The following CACHD1 variants were observed in gnomAD, a reference collection of about 807,000 sequenced individuals.
The protein encoded by CACHD1 is cache domain containing 1.
Under a neutral mutation model 138.7 loss-of-function variants are expected in CACHD1, and 71 were observed. The observed-to-expected ratio is 0.51, with a 90% CI of 0.42 to 0.62. CACHD1 has a LOEUF of 0.62. Ranked by LOEUF, CACHD1 falls within the 20% of genes least tolerant of loss-of-function variation. The pLI is 0.00. For synonymous variants in CACHD1, 578 were observed against 591.5 expected, an observed-to-expected ratio of 0.98 and a Z score of 0.33; for missense variants, 1,389 against 1,625.3, an observed-to-expected ratio of 0.85 and a Z score of 2.50.
chr1:64,629,773 T>G (rs1648237830), intron 5 of CACHD1, among the ~76,000 whole-genome samples: 1 of 152,126 alleles, frequency 6.6e-6, no homozygotes. Context: ...GTTTCAGAAT[T>G]CTTTGTTGAA....
At chr1:64,550,999 T>C (rs1646755022) in intron 2 of CACHD1, among the ~76,000 whole-genome samples, 1 of 152,180 alleles carries the variant, frequency 6.6e-6, no homozygotes, top group African/African-American at 2.4e-5. Flanking sequence ...AGACCCCACG[T>C]CAAATTCTGG....
chr1:64,543,402 C>CACAT (rs1553131376), intron 1 of CACHD1, among the ~76,000 whole-genome samples: 1 of 126,886 alleles, frequency 7.9e-6, no homozygotes, highest in Non-Finnish European at 1.6e-5. Context: ...AAAAAAAATA[C>CACAT]ATATATATAT....
chr1:64,653,879 A>C lies in CACHD1; in HGVS notation c.1662A>C (p.Leu554=), dbSNP rs570724837. The stretch of plus-strand genomic sequence containing the variant: ...TTGAATTAGTTCGGCAAAATATCCT[A>C]AGGTAAGGAAAAGGTGAGGGTCATA... ...PKFELVRQNI[L]SLPLGSQIIA... Residue 554 remains leucine (L), a splice_region_variant and synonymous_variant, in exon 11 of 27, where the codon CTA becomes CTC. Coordinates refer to ENST00000651257, the MANE Select transcript of CACHD1 (RefSeq NM_020925.4). 1.9e-6 allele frequency: 3 copies of C among 1,612,456 alleles called. No homozygotes were observed. The South Asian group carries it at 3.3e-5, about 18-fold the overall frequency.
rs1246223648 is a variant in CACHD1 at position 64,592,241 on chromosome 1, A to G, written c.410+9937A>G. Among the ~76,000 whole-genome samples the G allele has an allele frequency of 2.0e-5, 3 of 152,346 alleles. No individual in the cohort carries two copies. In the East Asian group the frequency reaches 5.8e-4, roughly 29 times the overall value. ...TGCATGATGAATTTAAAAAATATAC[A>G]TTCCCAAATGCTGACATACATGTAT... On this transcript the variant is annotated intron_variant, in intron 3 of 26. Transcript: ENST00000651257.
Position 64,692,479 on chromosome 1 carries a change from C to T in CACHD1, c.*918C>T, listed in dbSNP as rs1409540268. ...TGCTATTCTTAGGTTTCTACGAAAC[C>T]TAATGTTAGAACCGCATCCTTTCAG... On this transcript the variant is annotated 3_prime_UTR_variant, in exon 27 of 27. Coordinates refer to ENST00000651257, the MANE Select transcript of CACHD1 (RefSeq NM_020925.4). 1 of 152,126 alleles carries T rather than the reference C, an allele frequency of 6.6e-6. No individual in the cohort carries two copies. 9.4% of individuals were successfully genotyped at this position (152,126 alleles called of 1,614,324 possible). A position where few individuals can be genotyped will look rare whatever the true frequency, so the allele number is the denominator to read the frequency against.
chr1:64,529,169 T>C (rs1184922438), intron 1 of CACHD1, among the ~76,000 whole-genome samples: 1 of 152,216 alleles, frequency 6.6e-6, no homozygotes. Context: ...ACTCCTTTTC[T>C]AAGAGAAGTG....
intron 11 of CACHD1, 21 bp downstream of exon 11, chr1:64,653,902 A>T: frequency 6.2e-7 from 1 of 1,609,262 alleles, no homozygotes; most frequent in East Asian, 2.2e-5. Flanking sequence ...GGTGAGGGTC[A>T]TAGGATTGTT....
chr1:64,634,386 T>G lies in CACHD1; in HGVS notation c.1006+126T>G, dbSNP rs1570436726. Reference sequence around the variant, plus strand: ...TTTATTTATTTATGTATGTATTTATTTATTTATTTATTTACCTTGAGACAG... The same window carrying G: ...TTTATTTATTTATGTATGTATTTATGTATTTATTTATTTACCTTGAGACAG... On this transcript the variant is annotated intron_variant, in intron 7 of 26. Coordinates refer to ENST00000651257, the MANE Select transcript of CACHD1 (RefSeq NM_020925.4). The G allele has an allele frequency of 1.4e-5, 5 of 368,960 alleles. 1 individual carries two copies. In the South Asian group the frequency reaches 2.4e-4, roughly 17 times the overall value. The allele number at this position is 368,960 out of a possible 1,614,324, so 22.9% of individuals were successfully genotyped here. A position where few individuals can be genotyped will look rare whatever the true frequency, so the allele number is the denominator to read the frequency against.
Position 64,683,307 on chromosome 1 carries a change from T to C in CACHD1, c.3586+1201T>C, listed in dbSNP as rs551178663. Among the ~76,000 whole-genome samples, 3 of 152,290 alleles carry C rather than the reference T, an allele frequency of 2.0e-5. No homozygotes were observed. In the South Asian group the frequency reaches 6.2e-4, roughly 32 times the overall value. On this transcript the variant is annotated intron_variant, in intron 26 of 26. Transcript: ENST00000651257. ...TCTCAGTTTCTTTGACTTTTTTGCTTTTTTCTCTACAAACCTTTGAACTTG... is the reference window on the plus strand; with the variant it reads ...TCTCAGTTTCTTTGACTTTTTTGCTCTTTTCTCTACAAACCTTTGAACTTG...
intron 26 of CACHD1, among the ~76,000 whole-genome samples, chr1:64,685,150 C>A (rs955931431): frequency 3.3e-5 from 5 of 152,126 alleles, no homozygotes; most frequent in African/African-American, 1.2e-4. Flanking sequence ...CGGTATTTTT[C>A]TGGTACCTCT....
In CACHD1 at chr1:64,578,367, C is replaced by T. The variant is rs904310406; in HGVS notation, c.262-3789C>T. Among the ~76,000 whole-genome samples the T allele has an allele frequency of 6.6e-5, 10 of 152,276 alleles. No individual in the cohort carries two copies. In the South Asian group the frequency reaches 8.3e-4, roughly 13 times the overall value. On this transcript the variant is annotated intron_variant, in intron 2 of 26. Transcript: ENST00000651257. ...CAACAGATTTACAACTCACAGGGTACAATCTTGATAATTTTGATGATTTAG... is the reference window on the plus strand; with the variant it reads ...CAACAGATTTACAACTCACAGGGTATAATCTTGATAATTTTGATGATTTAG...
chr1:64,634,017 G>GTTTTTTTTTTTTTTTTTTTTTTTT, intron 6 of CACHD1, 27 bp from the exon 7 acceptor site: 1 of 1,214,832 alleles, frequency 8.2e-7, no homozygotes. Context: ...CAAGTTTGGT[G>GTTTTTTTTTTTTTTTTTTTTTTTT]GTTTTTTTTT....
At chr1:64,592,932 T>C (rs1360173548) in intron 3 of CACHD1, among the ~76,000 whole-genome samples, 1 of 152,182 alleles carries the variant, frequency 6.6e-6, no homozygotes, top group East Asian at 1.9e-4. Flanking sequence ...ATGTGGAATC[T>C]GGCAACTAGG....
intron 4 of CACHD1, among the ~76,000 whole-genome samples, chr1:64,605,327 A>G (rs938790839): frequency 2.6e-5 from 4 of 152,202 alleles, no homozygotes; most frequent in Non-Finnish European, 5.9e-5. Flanking sequence ...GTGTATTTAA[A>G]TAAGATCTAG....
intron 4 of CACHD1, among the ~76,000 whole-genome samples, chr1:64,627,880 T>C (rs1237324204): frequency 6.6e-6 from 1 of 152,134 alleles, no homozygotes; most frequent in East Asian, 1.9e-4. Flanking sequence ...AGTTCTTCAT[T>C]GCATGGACCT....
intron 4 of CACHD1, among the ~76,000 whole-genome samples, chr1:64,624,311 A>G (rs11208485): frequency 0.084 from 12,724 of 152,252 alleles, 704 homozygotes; most frequent in Admixed American, 0.16. Context: ...TGTATCATGC[A>G]CTATATGAGT....
At chr1:64,503,552 G>T (rs1485165304) in intron 1 of CACHD1, among the ~76,000 whole-genome samples, 1 of 152,026 alleles carries the variant, frequency 6.6e-6, no homozygotes, top group African/African-American at 2.4e-5. Flanking sequence ...TACTTTTTCG[G>T]TCAACATTTT....
chr1:64,515,444 A>G lies in CACHD1; in HGVS notation c.199-35150A>G, dbSNP rs1019766637. On this transcript the variant is annotated intron_variant, in intron 1 of 26. Coordinates refer to ENST00000651257, the MANE Select transcript of CACHD1 (RefSeq NM_020925.4). Reference sequence around the variant, plus strand: ...AGTATGATTGGTGTGACATTTGTTCAGGTTCTTTAGAATATAAGCATATGC... The same window carrying G: ...AGTATGATTGGTGTGACATTTGTTCGGGTTCTTTAGAATATAAGCATATGC... 2.0e-5 allele frequency among the ~76,000 whole-genome samples: 3 copies of G among 152,228 alleles called. No individual in the cohort carries two copies. In the South Asian group the frequency reaches 6.2e-4, roughly 32 times the overall value.
At chr1:64,579,091 A>G (rs1005190626) in intron 2 of CACHD1, among the ~76,000 whole-genome samples, 4 of 152,246 alleles carry the variant, frequency 2.6e-5, no homozygotes, top group African/African-American at 9.6e-5. Context: ...AGACTCTTGC[A>G]GCTACTTAAT....
Sources: gnomAD v4.1 joint callset for allele counts (sites outside exome capture counted in the v4.1 genomes callset) on GRCh38, gnomAD v4.1.1 for gene constraint, MANE v1.5 for transcripts, NCBI Gene and HGNC (gene_info 2026-07-23, HGNC 2026-07-21) for gene names.